The following DOT1L variants were observed in gnomAD, a reference collection of about 807,000 sequenced individuals.
The protein encoded by DOT1L is DOT1 like histone lysine methyltransferase, also known as histone-lysine N-methyltransferase, H3 lysine-79 specific.
In DOT1L, 33 loss-of-function variants were observed where a neutral mutation model predicts 153.3. The observed-to-expected ratio is 0.22, with a 90% CI of 0.16 to 0.29. The LOEUF is 0.29. DOT1L is among the 10% of genes least tolerant of loss of function. The pLI is 1.00. For synonymous variants in DOT1L, 1,135 were observed against 965.1 expected, an observed-to-expected ratio of 1.18 and a Z score of -3.26; for missense variants, 1,847 against 2,119.9, an observed-to-expected ratio of 0.87 and a Z score of 2.53.
At chr19:2,210,326 C>T (rs1477810616) in intron 12 of DOT1L, 74 bp from the exon 13 acceptor site, 2 of 1,330,100 alleles carry the variant, frequency 1.5e-6, no homozygotes, top group East Asian at 5.2e-5. Context: ...AGTCTGAGCT[C>T]CGCGTGCCTC....
intron 9 of DOT1L, 101 bp from the exon 10 acceptor site, chr19:2,206,628 G>A: frequency 8.8e-7 from 1 of 1,142,672 alleles, no homozygotes; most frequent in Non-Finnish European, 1.3e-6. Context: ...AGCCCAGTGT[G>A]TGTGTGTTCC....
chr19:2,202,888 C>T (rs2144794275), intron 9 of DOT1L, 109 bp downstream of exon 9: 1 of 1,060,118 alleles, frequency 9.4e-7, no homozygotes. Context: ...TTGGGGTCTT[C>T]AGTCCCCTTG....
chr19:2,211,558 A>C (rs2023714807), intron 15 of DOT1L, among the ~76,000 whole-genome samples, 193 bp from the exon 16 acceptor site: 1 of 152,224 alleles, frequency 6.6e-6, no homozygotes, highest in South Asian at 2.1e-4. Context: ...TTGGCTGCGC[A>C]GGGGTCAGAG....
chr19:2,185,117 G>A (rs996857960), intron 2 of DOT1L, among the ~76,000 whole-genome samples: 2 of 152,146 alleles, frequency 1.3e-5, no homozygotes, highest in Non-Finnish European at 2.9e-5. Flanking sequence ...TGTTGGTCAG[G>A]CTGGTCTCCA....
rs931823428 is a variant in DOT1L at position 2,198,402 on chromosome 19, G to T, written c.652-1482G>T. Among the ~76,000 whole-genome samples the T allele has an allele frequency of 1.8e-4, 28 of 152,296 alleles. No individual in the cohort carries two copies. In the East Asian group the frequency reaches 4.6e-3, roughly 25 times the overall value. On this transcript the variant is annotated intron_variant, in intron 7 of 27. Transcript: ENST00000398665. Reference sequence around the variant, plus strand: ...GGGGCTTCCCGCGGCCTTGGAGAGCGGAGGATGTGCAGCTGCTCCTGGCCG... The same window carrying T: ...GGGGCTTCCCGCGGCCTTGGAGAGCTGAGGATGTGCAGCTGCTCCTGGCCG...
intron 22 of DOT1L, among the ~76,000 whole-genome samples, chr19:2,218,615 G>A (rs958934946): frequency 5.9e-5 from 9 of 152,108 alleles, no homozygotes; most frequent in East Asian, 1.9e-4. Context: ...GGATGGTCTT[G>A]ATCTCCTGAC....
intron 1 of DOT1L, 119 bp from the exon 2 acceptor site, chr19:2,180,594 C>G: frequency 1.6e-6 from 2 of 1,243,240 alleles, no homozygotes; most frequent in Non-Finnish European, 1.1e-6. Flanking sequence ...GGCTTGGGAG[C>G]TGCACCAGTT....
intron 1 of DOT1L, among the ~76,000 whole-genome samples, chr19:2,172,704 C>G (rs1354716615): frequency 6.6e-6 from 1 of 151,986 alleles, no homozygotes; most frequent in Non-Finnish European, 1.5e-5. Context: ...GGGGTTTCAC[C>G]ATGTTAATCA....
chr19:2,223,522 C>T (rs2144913799), intron 25 of DOT1L, 36 bp downstream of exon 25: 1 of 1,158,362 alleles, frequency 8.6e-7, no homozygotes, highest in Non-Finnish European at 1.1e-6. Flanking sequence ...CGGGGCCTGG[C>T]AGCAGGGGCA....
At position 2,190,660 on chromosome 19, in the gene DOT1L, C is replaced by T. The variant is rs1211917358; in HGVS notation, c.265-352C>T. Among the ~76,000 whole-genome samples, 1 of 151,800 alleles carries T rather than the reference C, an allele frequency of 6.6e-6. No individual in the cohort carries two copies. The highest frequency in any genetic ancestry group is 2.4e-5 in the African/African-American group (1 of 41,306). On this transcript the variant is annotated intron_variant, in intron 4 of 27. Transcript: ENST00000398665. The surrounding 1 kb of genome is among the most constrained non-coding windows in gnomAD (Gnocchi z 4.8). ...GGGGCTCGTGGCACCTGACGGGGGT[C>T]CCTTGGTGTCAGCGCCCCACCCTGC...
At chr19:2,213,406 G>A (rs550344899) in intron 16 of DOT1L, 133 bp from the exon 17 acceptor site, 18 of 836,708 alleles carry the variant, frequency 2.2e-5, no homozygotes, top group African/African-American at 1.0e-4. Context: ...ATCTCAGCCC[G>A]GTGTGGGTCC....
intron 1 of DOT1L, among the ~76,000 whole-genome samples, chr19:2,167,458 TGGCGGGAGCG>T (rs1310928049): frequency 3.3e-5 from 5 of 152,232 alleles, no homozygotes; most frequent in African/African-American, 1.2e-4. Context: ...GGGCGAGAGC[TGGCGGGAGCG>T]GGCTTTCTAG....
At chr19:2,228,005 C>G (rs751949253) in intron 27 of DOT1L, 3 of 1,291,160 alleles carry the variant, frequency 2.3e-6, no homozygotes, top group Non-Finnish European at 3.0e-6. Flanking sequence ...CTCCACCTAA[C>G]GCCGCCTTGC....
intron 2 of DOT1L, 53 bp downstream of exon 2, chr19:2,180,809 G>C (rs1171760273): frequency 3.2e-5 from 51 of 1,605,162 alleles, no homozygotes; most frequent in Non-Finnish European, 4.2e-5. Flanking sequence ...CCACTTCCGT[G>C]GACACCCGTG....
intron 2 of DOT1L, among the ~76,000 whole-genome samples, chr19:2,183,048 G>T (rs2022315588): frequency 6.6e-6 from 1 of 152,142 alleles, no homozygotes; most frequent in African/African-American, 2.4e-5. Flanking sequence ...TGTGGCCAGG[G>T]TTCTCACGGT....
At position 2,189,851 on chromosome 19, in the gene DOT1L, TC is replaced by T. The variant is rs1337661801; in HGVS notation, c.264+58del. 3.8e-6 allele frequency: 6 copies of T among 1,584,478 alleles called. No homozygotes were observed. The Admixed American group carries it at 6.7e-5, about 18-fold the overall frequency. On this transcript the variant is annotated intron_variant, in intron 4 of 27. Transcript: ENST00000398665. The stretch of plus-strand genomic sequence containing the variant: ...TAGTAGTGCCAGGCTCCCGGACCCC[TC>T]CAGACCCCTTATGTCACCGCCTCGG...
At chr19:2,165,523 C>T (rs554751769) in intron 1 of DOT1L, among the ~76,000 whole-genome samples, 1 of 152,196 alleles carries the variant, frequency 6.6e-6, no homozygotes, top group South Asian at 2.1e-4. Context: ...CGGCCTGAGC[C>T]GGGATCCCGC....
rs1364992900 is a variant in DOT1L, at chr19:2,217,826, A to G, written c.2599A>G (p.Ile867Val). 6 of 1,609,682 alleles carry G rather than the reference A, an allele frequency of 3.7e-6. No individual in the cohort carries two copies. Among genetic ancestry groups the G allele is most frequent in the Non-Finnish European group, 4.2e-6 (5 of 1,178,630 alleles). The change falls in exon 22 of 28, where the codon ATC becomes GTC. Residue 867 changes from isoleucine to valine, a missense_variant. Physicochemically the swap from Ile to Val is conservative, Grantham distance 29 (BLOSUM62 3). Around this residue, in one of 8 missense-constraint regions of DOT1L, gnomAD observed 18 missense variants for 58.1 expected, o/e 0.31. Transcript: ENST00000398665. This position sits in a 1 kb window ranked among gnomAD's most constrained non-coding sequence, Gnocchi z 7.3. ...CGGGGAGCTCATCACCAGCCTGCCCATCAGCATCCCGCTCAGCACCGTGCA... is the reference window on the plus strand; with the variant it reads ...CGGGGAGCTCATCACCAGCCTGCCCGTCAGCATCCCGCTCAGCACCGTGCA... ...SSGELITSLPISIPLSTVQPN... is the reference protein window; with the variant it reads ...SSGELITSLPVSIPLSTVQPN...
chr19:2,230,124 G>A lies in DOT1L; in HGVS notation c.*332G>A. On this transcript the variant is annotated 3_prime_UTR_variant, in exon 28 of 28. Transcript: ENST00000398665. ...CTATATAAAGACACGTGTCTGCAGG[G>A]CGGGCCCGCCAGCGGATTCGCCACA... 3.8e-6 allele frequency: 2 copies of A among 520,290 alleles called. No homozygotes were observed. The highest frequency in any genetic ancestry group is 5.9e-5 in the South Asian group (2 of 34,074). The allele number at this position is 520,290 out of a possible 1,614,324, so 32.2% of individuals were successfully genotyped here.
Sources: allele counts gnomAD v4.1 joint callset (sites outside exome capture counted in the v4.1 genomes callset), GRCh38; gene constraint gnomAD v4.1.1; regional missense constraint gnomAD v4.1.1; non-coding constraint Gnocchi (gnomAD v3.1); transcripts MANE v1.5; gene names NCBI Gene and HGNC (gene_info 2026-07-23, HGNC 2026-07-21).